SCAF4: variants seen among roughly 807,000 people sequenced by gnomAD.
The protein encoded by SCAF4 is SR-related CTD associated factor 4.
SCAF4 carries 25 observed loss-of-function variants against 129.8 expected under a neutral mutation model. That is an observed-to-expected ratio of 0.19 (90% CI 0.14 to 0.27). SCAF4 has a LOEUF of 0.27. Ranked by LOEUF, SCAF4 falls within the 10% of genes least tolerant of loss-of-function variation. The probability of loss-of-function intolerance (pLI) is 1.00; values close to 1 mark genes in which losing one functional copy is unlikely to be tolerated. For synonymous variants in SCAF4, 551 were observed against 497.7 expected (o/e 1.11, Z -1.43); for missense variants, 1,246 against 1,457.1 (o/e 0.86, Z 2.36).
At chr21:31,727,567 G>T (rs2051237119) in intron 1 of SCAF4, among the ~76,000 whole-genome samples, 1 of 152,132 alleles carries the variant, frequency 6.6e-6, no homozygotes, top group African/African-American at 2.4e-5. Flanking sequence ...GGCCAGGAGG[G>T]TGGATCACGA....
At chr21:31,672,415 G>A (rs2049733627) in intron 19 of SCAF4, 61 bp from the exon 20 acceptor site, 1 of 1,268,332 alleles carries the variant, frequency 7.9e-7, no homozygotes. Flanking sequence ...AGTTTCAGCT[G>A]TGTTCTGTGG....
Position 31,671,921 on chromosome 21 carries a change from T to C in SCAF4, c.2922A>G (p.Pro974=), listed in dbSNP as rs1211031122. The change falls in exon 20 of 20, where the codon CCA becomes CCG. Residue 974 remains proline (P), a synonymous_variant. Coordinates refer to ENST00000286835, the MANE Select transcript of SCAF4 (RefSeq NM_020706.2). ...QQQPPPSQQP[P]PTQQQPQQFR... ...ACTGCTGTGGCTGCTGCTGTGTTGG[T>C]GGAGGCTGTTGTGATGGTGGTGGCT... The C allele has an allele frequency of 2.5e-6, 4 of 1,612,654 alleles. No homozygotes were observed. In the African/African-American group the frequency reaches 4.0e-5, roughly 16 times the overall value.
intron 1 of SCAF4, among the ~76,000 whole-genome samples, chr21:31,729,994 C>T (rs1372798025): frequency 1.3e-5 from 2 of 152,214 alleles, no homozygotes; most frequent in Non-Finnish European, 2.9e-5. Context: ...CTTCTTTCAT[C>T]AAAAACATTC....
chr21:31,718,018 A>G (rs973283548), intron 1 of SCAF4, among the ~76,000 whole-genome samples: 4 of 151,744 alleles, frequency 2.6e-5, no homozygotes, highest in Non-Finnish European at 5.9e-5. Flanking sequence ...ATCTCGGCTC[A>G]CCACAACCTC....
intron 1 of SCAF4, among the ~76,000 whole-genome samples, chr21:31,716,598 A>G (rs1418515145): frequency 6.6e-6 from 1 of 152,062 alleles, no homozygotes; most frequent in Non-Finnish European, 1.5e-5. Context: ...ATTTCTTAAC[A>G]AAAGATAATT....
intron 19 of SCAF4, among the ~76,000 whole-genome samples, chr21:31,681,715 G>T (rs527565535): frequency 6.6e-6 from 1 of 152,106 alleles, no homozygotes. Flanking sequence ...ATTACTAAAA[G>T]AATCAAAATC....
intron 1 of SCAF4, among the ~76,000 whole-genome samples, chr21:31,722,192 A>G (rs991541153): frequency 2.0e-5 from 3 of 152,224 alleles, no homozygotes; most frequent in African/African-American, 7.2e-5. Context: ...AATCCATCTT[A>G]ATTGGAAGTT....
chr21:31,709,254 T>G (rs1198850861), intron 1 of SCAF4, among the ~76,000 whole-genome samples: 2 of 151,848 alleles, frequency 1.3e-5, no homozygotes, highest in East Asian at 3.9e-4. Context: ...TCCCATTTTC[T>G]AATGATTTTG....
chr21:31,712,438 T>A (rs890411318), intron 1 of SCAF4, among the ~76,000 whole-genome samples: 6 of 151,844 alleles, frequency 4.0e-5, no homozygotes, highest in South Asian at 2.1e-4. Context: ...GGATGGTCTT[T>A]AAATCCTGGC....
At chr21:31,690,286 A>G (rs1568835108) in intron 15 of SCAF4, among the ~76,000 whole-genome samples, 2 of 151,952 alleles carry the variant, frequency 1.3e-5, no homozygotes, top group African/African-American at 2.4e-5. Flanking sequence ...GGAGTTCGAG[A>G]CCAGCCTGGC....
At chr21:31,722,003 A>G (rs2051081949) in intron 1 of SCAF4, among the ~76,000 whole-genome samples, 1 of 152,144 alleles carries the variant, frequency 6.6e-6, no homozygotes. Flanking sequence ...TACAGGCGTG[A>G]GCCACCACGC....
Position 31,701,798 on chromosome 21 carries a change from A to C in SCAF4, c.578T>G (p.Phe193Cys). 1 of 1,611,910 alleles carries C rather than the reference A, an allele frequency of 6.2e-7. No homozygotes were observed. Among genetic ancestry groups the C allele is most frequent in the Non-Finnish European group, 8.5e-7 (1 of 1,179,490 alleles). The change falls in exon 6 of 20, where the codon TTT becomes TGT. Residue 193 changes from phenylalanine to cysteine, a missense_variant. Physicochemically the swap from Phe to Cys is radical, Grantham distance 205. This residue lies in a region of SCAF4 where 143 missense variants were observed against 161.0 expected (regional missense o/e 0.89). Transcript: ENST00000286835. ...TACCTGTTGGCCTTGAGTTGTCTGA[A>C]ACAGCTGAGCCACAGCAGCAAAAGC... ...SDAFAAVAQL[F>C]QTTQGQQLQQ...
chr21:31,721,956 A>G (rs2051079943), intron 1 of SCAF4, among the ~76,000 whole-genome samples: 1 of 151,916 alleles, frequency 6.6e-6, no homozygotes, highest in Admixed American at 6.6e-5. Context: ...CTGACCTCAG[A>G]TGATCCACCC....
chr21:31,701,211 A>T, intron 6 of SCAF4, 40 bp from the exon 7 acceptor site: 1 of 1,468,070 alleles, frequency 6.8e-7, no homozygotes, highest in Non-Finnish European at 9.1e-7. Context: ...AGAACAAAGT[A>T]TAATCATACT....
intron 1 of SCAF4, among the ~76,000 whole-genome samples, chr21:31,729,913 T>C (rs1444011532): frequency 6.6e-6 from 1 of 152,244 alleles, no homozygotes; most frequent in Non-Finnish European, 1.5e-5. Context: ...TGCTTAACAA[T>C]GTGCTTGATG....
chr21:31,689,219 A>C (rs1162266301), intron 15 of SCAF4, among the ~76,000 whole-genome samples: 1 of 151,946 alleles, frequency 6.6e-6, no homozygotes, highest in Non-Finnish European at 1.5e-5. Flanking sequence ...CCAGGGAGGG[A>C]GTGGGATGTG....
At chr21:31,730,762 C>T (rs527859412) in intron 1 of SCAF4, among the ~76,000 whole-genome samples, 211 of 152,356 alleles carry the variant, frequency 1.4e-3, no homozygotes, top group South Asian at 0.01. Context: ...GGACTCTACA[C>T]TCCAAAAGCA....
chr21:31,713,428 C>T (rs1283754509), intron 1 of SCAF4, among the ~76,000 whole-genome samples: 1 of 152,132 alleles, frequency 6.6e-6, no homozygotes, highest in African/African-American at 2.4e-5. Flanking sequence ...TACAAAAGCA[C>T]TTAGAGCAAC....
intron 2 of SCAF4, among the ~76,000 whole-genome samples, chr21:31,705,782 A>C (rs2050644171): frequency 6.6e-6 from 1 of 152,232 alleles, no homozygotes; most frequent in African/African-American, 2.4e-5. Context: ...TGTAGTTTCT[A>C]AAATAAGTCA....
Sources: allele counts gnomAD v4.1 joint callset (sites outside exome capture counted in the v4.1 genomes callset), GRCh38; gene constraint gnomAD v4.1.1; regional missense constraint gnomAD v4.1.1; transcripts MANE v1.5; gene names NCBI Gene and HGNC (gene_info 2026-07-23, HGNC 2026-07-21).